The following TNIK variants were observed in gnomAD, a reference collection of about 807,000 sequenced individuals.
The protein encoded by TNIK is TRAF2 and NCK interacting kinase.
In TNIK, 49 loss-of-function variants were observed where a neutral mutation model predicts 191.3. That is an observed-to-expected ratio of 0.26 (90% CI 0.20 to 0.32). The LOEUF is 0.32. Ranked by LOEUF, TNIK falls within the 10% of genes least tolerant of loss-of-function variation. The pLI is 1.00. For synonymous variants in TNIK, 594 were observed against 600.9 expected (o/e 0.99, Z 0.17); for missense variants, 1,155 against 1,702.3 (o/e 0.68, Z 5.66).
chr3:171,308,531 C>T (rs540936123), intron 2 of TNIK, among the ~76,000 whole-genome samples: 27 of 152,208 alleles, frequency 1.8e-4, no homozygotes, highest in Non-Finnish European at 3.4e-4. Context: ...ATGCCAAAAG[C>T]AATTCAAACA....
At chr3:171,186,605 AT>A (rs1458884188) in intron 7 of TNIK, among the ~76,000 whole-genome samples, 1 of 152,136 alleles carries the variant, frequency 6.6e-6, no homozygotes, top group African/African-American at 2.4e-5. Flanking sequence ...ATTCCTGACA[AT>A]CCTGTTAAAC....
At chr3:171,358,261 C>T (rs1164855255) in intron 2 of TNIK, among the ~76,000 whole-genome samples, 1 of 152,068 alleles carries the variant, frequency 6.6e-6, no homozygotes, top group African/African-American at 2.4e-5. Context: ...AAAGACATAC[C>T]TGAGACTGAG....
chr3:171,065,744 T>TA (rs145880842), intron 32 of TNIK, among the ~76,000 whole-genome samples: 4,815 of 152,312 alleles, frequency 0.032, 243 homozygotes, highest in African/African-American at 0.1. Context: ...GTGACATTTT[T>TA]AAAAAGCTTA....
At chr3:171,144,527 G>A (rs1007350516) in intron 12 of TNIK, among the ~76,000 whole-genome samples, 1 of 151,858 alleles carries the variant, frequency 6.6e-6, no homozygotes, top group African/African-American at 2.4e-5. Context: ...ATATTTATGG[G>A]GTACAATGTG....
At chr3:171,282,341 G>GTTT (rs869305605) in intron 2 of TNIK, among the ~76,000 whole-genome samples, 6 of 79,946 alleles carry the variant, frequency 7.5e-5, no homozygotes, top group Admixed American at 1.4e-4. Flanking sequence ...ATGGTTTTTT[G>GTTT]TTTTTTTTTT....
intron 18 of TNIK, among the ~76,000 whole-genome samples, chr3:171,113,342 A>T (rs187027969): frequency 1.6e-4 from 24 of 152,310 alleles, no homozygotes; most frequent in Admixed American, 1.4e-3. Flanking sequence ...ACGGTGGCTC[A>T]CGCCTGTAAT....
intron 2 of TNIK, among the ~76,000 whole-genome samples, chr3:171,329,276 T>C (rs538098861): frequency 6.3e-4 from 96 of 152,310 alleles, no homozygotes; most frequent in Middle Eastern, 6.8e-3. Flanking sequence ...TTTAATACCA[T>C]GGTAAGTATT....
Position 171,079,688 on chromosome 3 carries a change from G to A in TNIK, c.3314-36C>T, listed in dbSNP as rs199819508. Reference sequence around the variant, plus strand: ...AATAGAGGTTTAATTTCAAATTGCTGTGACAGCTCTCACTTTTTCCTTCCC... The same window carrying A: ...AATAGAGGTTTAATTTCAAATTGCTATGACAGCTCTCACTTTTTCCTTCCC... On this transcript the variant is annotated intron_variant, in intron 27 of 32. Coordinates refer to ENST00000436636, the MANE Select transcript of TNIK (RefSeq NM_015028.4). 21 of 1,569,888 alleles carry A rather than the reference G, an allele frequency of 1.3e-5. No individual in the cohort carries two copies. The East Asian group carries it at 3.9e-4, about 29-fold the overall frequency.
chr3:171,319,257 C>G (rs1171793983), intron 2 of TNIK, among the ~76,000 whole-genome samples: 3 of 152,030 alleles, frequency 2.0e-5, no homozygotes, highest in Non-Finnish European at 4.4e-5. Flanking sequence ...AACGCTTTAT[C>G]CTTTGTACTT....
At chr3:171,183,377 C>G (rs1407762462) in intron 7 of TNIK, among the ~76,000 whole-genome samples, 7 of 152,182 alleles carry the variant, frequency 4.6e-5, no homozygotes. Context: ...ATAATGGGCA[C>G]AGCCAGCATA....
rs59876957 is a variant in TNIK, at chr3:171,457,605, C to T, written c.57+2402G>A. 5.3e-5 allele frequency among the ~76,000 whole-genome samples: 8 copies of T among 152,304 alleles called. No individual in the cohort carries two copies. The East Asian group carries it at 1.5e-3, about 29-fold the overall frequency. On this transcript the variant is annotated intron_variant, in intron 1 of 32. Transcript: ENST00000436636. ...TGTGGCAAGGTGGAGATGATCTGCC[C>T]TCTGATTTGTGGAGATTACCTATGT...
chr3:171,258,074 G>A (rs1005395715), intron 2 of TNIK, among the ~76,000 whole-genome samples: 4 of 152,088 alleles, frequency 2.6e-5, no homozygotes, highest in African/African-American at 7.2e-5. Flanking sequence ...CAGTGATGAT[G>A]GATGCCCTGC....
chr3:171,369,369 T>C (rs955372884), intron 2 of TNIK, among the ~76,000 whole-genome samples: 2 of 152,208 alleles, frequency 1.3e-5, no homozygotes, highest in African/African-American at 4.8e-5. Flanking sequence ...GCTTCAAATA[T>C]GTGCCATCAG....
intron 3 of TNIK, among the ~76,000 whole-genome samples, chr3:171,220,022 G>T (rs1742090468): frequency 6.6e-6 from 1 of 152,160 alleles, no homozygotes; most frequent in Admixed American, 6.5e-5. Flanking sequence ...ACTGGATAAA[G>T]AAAATGTGGC....
intron 18 of TNIK, among the ~76,000 whole-genome samples, chr3:171,113,338 G>C (rs139237363): frequency 0.013 from 2,006 of 152,188 alleles, 45 homozygotes; most frequent in African/African-American, 0.046. Flanking sequence ...AGGCACGGTG[G>C]CTCACGCCTG....
In TNIK at chr3:171,278,376, A is replaced by G. The variant is rs1208258826; in HGVS notation, c.124-50155T>C. On this transcript the variant is annotated intron_variant, in intron 2 of 32. Transcript: ENST00000436636. ...AATTTCTGCTTGTTTCTCAATGTGG[A>G]TATGAGAATGAAGCTTATCAACATC... is the stretch of plus-strand genomic sequence containing the variant. Among the ~76,000 whole-genome samples the G allele has an allele frequency of 2.6e-5, 4 of 152,332 alleles. No individual in the cohort carries two copies. The East Asian group carries it at 5.8e-4, about 22-fold the overall frequency.
intron 2 of TNIK, among the ~76,000 whole-genome samples, chr3:171,325,705 T>G (rs1256721271): frequency 6.6e-6 from 1 of 151,082 alleles, no homozygotes; most frequent in African/African-American, 2.4e-5. Context: ...CCAAGGTCAG[T>G]AAACTATCAA....
intron 1 of TNIK, among the ~76,000 whole-genome samples, chr3:171,399,331 C>T (rs1241363096): frequency 6.6e-6 from 1 of 152,184 alleles, no homozygotes; most frequent in African/African-American, 2.4e-5. Flanking sequence ...GGCAAATTCC[C>T]TTGGACCCTG....
chr3:171,364,364 T>TAA (rs532408501), intron 2 of TNIK, among the ~76,000 whole-genome samples: 2 of 141,938 alleles, frequency 1.4e-5, no homozygotes, highest in African/African-American at 5.1e-5. Context: ...CATCCCATTA[T>TAA]AAAAAAAAAA....
Sources: allele counts gnomAD v4.1 joint callset (sites outside exome capture counted in the v4.1 genomes callset), GRCh38; gene constraint gnomAD v4.1.1; transcripts MANE v1.5; gene names NCBI Gene and HGNC (gene_info 2026-07-23, HGNC 2026-07-21).